GSN: variants seen among roughly 807,000 people sequenced by gnomAD.
GSN encodes the protein gelsolin, also known as actin-depolymerizing factor.
A neutral mutation model predicts 85.7 loss-of-function variants in GSN; 56 were observed. The observed-to-expected ratio is 0.65, with a 90% CI of 0.53 to 0.82. The LOEUF (loss-of-function observed/expected upper bound fraction) is 0.82, where lower values mean the gene tolerates loss of function less well. Ranked by LOEUF, GSN falls within the 40% of genes least tolerant of loss-of-function variation. GSN has a pLI of 0.00. For synonymous variants in GSN, 373 were observed against 399.1 expected (o/e 0.93, Z 0.78); for missense variants, 857 against 979.8 (o/e 0.87, Z 1.67).
chr9:121,260,963 CTGTT>C (rs1033513855), intron 6 of GSN, among the ~76,000 whole-genome samples: 4 of 152,284 alleles, frequency 2.6e-5, no homozygotes, highest in African/African-American at 7.2e-5. Flanking sequence ...GTTTGTTTGT[CTGTT>C]TGTTTGTTTT....
upstream of GSN, among the ~76,000 whole-genome samples, chr9:121,267,268 ATGT>A (rs1364485618): frequency 6.6e-6 from 1 of 152,204 alleles, no homozygotes; most frequent in African/African-American, 2.4e-5. Flanking sequence ...TGCATATGAG[ATGT>A]TGTTGAAATC....
At chr9:121,203,502 T>C (rs72760271), upstream of GSN, 12,589 of 152,344 alleles carry the variant, frequency 0.083, 562 homozygotes, top group Non-Finnish European at 0.11. Flanking sequence ...CTGTGCATAC[T>C]GTACTGTGCC....
At chr9:121,238,646 C>A (rs571658706) in intron 5 of GSN, 2 of 291,278 alleles carry the variant, frequency 6.9e-6, no homozygotes, top group South Asian at 7.3e-5. Flanking sequence ...TAATTCTCTC[C>A]CTCTGGAGAA....
At chr9:121,225,804 A>AT (rs1388710525) in intron 4 of GSN, among the ~76,000 whole-genome samples, 8 of 151,816 alleles carry the variant, frequency 5.3e-5, no homozygotes, top group Admixed American at 5.3e-4. Context: ...CCTCACAGGT[A>AT]TTTTTTCTTC....
At chr9:121,218,137 T>C (rs937349843) in intron 4 of GSN, among the ~76,000 whole-genome samples, 5 of 152,150 alleles carry the variant, frequency 3.3e-5, no homozygotes, top group African/African-American at 1.2e-4. Flanking sequence ...GGTCATGGAG[T>C]ATAGGTCTGC....
chr9:121,288,177 C>G (rs748472118), intron 2 of GSN, among the ~76,000 whole-genome samples: 44 of 152,190 alleles, frequency 2.9e-4, no homozygotes, highest in South Asian at 2.7e-3. Context: ...TTCCTCCCGC[C>G]TCAGCCTTCC....
intron 4 of GSN, among the ~76,000 whole-genome samples, chr9:121,220,407 G>GCTCTTCCCATACTTTCTGTCACTGTGTAC (rs2054148150): frequency 1.4e-5 from 1 of 72,090 alleles, no homozygotes; most frequent in Non-Finnish European, 4.1e-5. Flanking sequence ...AGTAGGTGAA[G>GCTCTTCCCATACTTTCTGTCACTGTGTAC]CTCTTCCCAT....
intron 2 of GSN, chr9:121,285,375 ACT>A (rs1320866213): frequency 1.2e-5 from 2 of 167,146 alleles, no homozygotes; most frequent in African/African-American, 2.4e-5. Context: ...CTAGTGGGAC[ACT>A]GAGGGGATTG....
chr9:121,291,140 A>G (rs548891497), intron 2 of GSN, among the ~76,000 whole-genome samples: 20 of 152,364 alleles, frequency 1.3e-4, no homozygotes, highest in African/African-American at 4.8e-4. Context: ...TTATTGTTAC[A>G]TAGAAATTTA....
chr9:121,298,326 C>T (rs534665484), intron 2 of GSN, among the ~76,000 whole-genome samples: 80 of 152,340 alleles, frequency 5.3e-4, no homozygotes, highest in African/African-American at 1.9e-3. Flanking sequence ...TCCTTCAAGG[C>T]CTGGGTCACA....
intron 2 of GSN, among the ~76,000 whole-genome samples, chr9:121,286,987 G>GTT (rs1255022837): frequency 6.6e-6 from 1 of 152,170 alleles, no homozygotes; most frequent in Non-Finnish European, 1.5e-5. Flanking sequence ...CATAGGAGGT[G>GTT]TTATTTGCAG....
At chr9:121,217,988 T>C (rs2054099205) in intron 4 of GSN, among the ~76,000 whole-genome samples, 1 of 152,024 alleles carries the variant, frequency 6.6e-6, no homozygotes, top group South Asian at 2.1e-4. Context: ...ATAAGTACGA[T>C]CAAATTGTCC....
In GSN at chr9:121,318,912, G is replaced by C. The variant is rs746138489; in HGVS notation, c.1191+32G>C. The C allele has an allele frequency of 6.5e-7, 1 of 1,530,182 alleles. No homozygotes were observed. The highest frequency in any genetic ancestry group is 1.4e-5 in the African/African-American group (1 of 73,378). 94.8% of individuals were successfully genotyped at this position (1,530,182 alleles called of 1,614,324 possible). A position where few individuals can be genotyped will look rare whatever the true frequency, so the allele number is the denominator to read the frequency against. On this transcript the variant is annotated intron_variant, in intron 10 of 17. Transcript: ENST00000432226. This position sits in a 1 kb window ranked among gnomAD's most constrained non-coding sequence, Gnocchi z 4.3. ...TTAGGGCGTGGGGTGGGTGTGTCCA[G>C]GCCCCTCCCTCACTTTCCCCATGCA...
intron 4 of GSN, among the ~76,000 whole-genome samples, chr9:121,227,325 C>A (rs149468231): frequency 6.6e-6 from 1 of 151,686 alleles, no homozygotes; most frequent in South Asian, 2.1e-4. Context: ...ACCCAGGAGG[C>A]GGAGGTTGCA....
intron 4 of GSN, among the ~76,000 whole-genome samples, chr9:121,216,160 C>G (rs1425308503): frequency 6.6e-6 from 1 of 152,140 alleles, no homozygotes; most frequent in African/African-American, 2.4e-5. Context: ...GTTGGCCAGA[C>G]TGGTCTCAAA....
At chr9:121,310,901 G>A (rs912539341) in intron 5 of GSN, 56 bp downstream of exon 5, 2 of 1,532,402 alleles carry the variant, frequency 1.3e-6, no homozygotes, top group African/African-American at 1.4e-5. Context: ...GGTCTGATCA[G>A]GGACTTGGGT....
In GSN at chr9:121,332,291, T is replaced by C; in HGVS notation, c.2027-143T>C. The C allele has an allele frequency of 1.3e-6, 1 of 789,478 alleles. No homozygotes were observed. The highest frequency in any genetic ancestry group is 2.5e-5 in the East Asian group (1 of 39,718). 48.9% of individuals were successfully genotyped at this position (789,478 alleles called of 1,614,324 possible). A position where few individuals can be genotyped will look rare whatever the true frequency, so the allele number is the denominator to read the frequency against. ...GTATCATGCCTTTAAAGGAGGATGG[T>C]GCCCAGGGCAGGGGGTGGGCAGTAG... On this transcript the variant is annotated intron_variant, in intron 17 of 17. Transcript: ENST00000432226. This position sits in a 1 kb window ranked among gnomAD's most constrained non-coding sequence, Gnocchi z 4.8.
intron 6 of GSN, among the ~76,000 whole-genome samples, chr9:121,258,026 GTGA>G (rs2055003690): frequency 6.6e-6 from 1 of 152,226 alleles, no homozygotes; most frequent in African/African-American, 2.4e-5. Flanking sequence ...TTGCTTAAAT[GTGA>G]TGATCACAAC....
upstream of GSN, among the ~76,000 whole-genome samples, chr9:121,264,518 A>G (rs1373240242): frequency 3.9e-5 from 6 of 152,208 alleles, no homozygotes; most frequent in Non-Finnish European, 7.3e-5. Flanking sequence ...AACACACTAA[A>G]TCAGTTCTTA....
Sources: allele counts gnomAD v4.1 joint callset (sites outside exome capture counted in the v4.1 genomes callset), GRCh38; gene constraint gnomAD v4.1.1; non-coding constraint Gnocchi (gnomAD v3.1); transcripts MANE v1.5; gene names NCBI Gene and HGNC (gene_info 2026-07-23, HGNC 2026-07-21).